Variants in FAM171A1 observed in about 807,000 individuals in gnomAD.
FAM171A1 encodes family with sequence similarity 171 member A1, also known as protein FAM171A1.
Under a neutral mutation model 74.9 loss-of-function variants are expected in FAM171A1, and 23 were observed. That is an observed-to-expected ratio of 0.31 (90% CI 0.22 to 0.44). FAM171A1 has a LOEUF of 0.44. FAM171A1 is among the 20% of genes least tolerant of loss of function. The probability of loss-of-function intolerance (pLI) is 1.00; values close to 1 mark genes in which losing one functional copy is unlikely to be tolerated. For synonymous variants in FAM171A1, 527 were observed against 505.7 expected, an observed-to-expected ratio of 1.04 and a Z score of -0.57; for missense variants, 1,162 against 1,159.2, an observed-to-expected ratio of 1.00 and a Z score of -0.03.
intron 1 of FAM171A1, among the ~76,000 whole-genome samples, chr10:15,316,553 A>C (rs1417534645): frequency 2.0e-5 from 3 of 152,172 alleles, no homozygotes; most frequent in Non-Finnish European, 4.4e-5. Context: ...ATGCTGACTT[A>C]GTGATGATAG....
chr10:15,273,037 A>T (rs1420868525), intron 3 of FAM171A1, among the ~76,000 whole-genome samples: 1 of 152,186 alleles, frequency 6.6e-6, no homozygotes, highest in East Asian at 1.9e-4. Context: ...GAAATAACTA[A>T]GATCAGAGCA....
At chr10:15,225,429 A>T (rs930581657) in intron 5 of FAM171A1, among the ~76,000 whole-genome samples, 1 of 152,178 alleles carries the variant, frequency 6.6e-6, no homozygotes, top group Non-Finnish European at 1.5e-5. Flanking sequence ...CTCTTTGGGG[A>T]TTCAACAATC....
chr10:15,370,832 ATGCGGCTCGGGC>A (rs1836134328), intron 1 of FAM171A1, 112 bp downstream of exon 1: 4 of 272,180 alleles, frequency 1.5e-5, no homozygotes, highest in African/African-American at 9.7e-5. Context: ...GAGGCTCCCG[ATGCGGCTCGGGC>A]TGCGTCGCCA....
intron 1 of FAM171A1, among the ~76,000 whole-genome samples, chr10:15,300,839 C>A (rs1564636958): frequency 1.3e-5 from 2 of 152,242 alleles, no homozygotes; most frequent in South Asian, 4.1e-4. Context: ...CAGCTGTGCA[C>A]AGTGAGAGCT....
At chr10:15,226,623 C>A (rs1834111026) in intron 5 of FAM171A1, among the ~76,000 whole-genome samples, 1 of 152,152 alleles carries the variant, frequency 6.6e-6, no homozygotes, top group Non-Finnish European at 1.5e-5. Context: ...TTCTAAAAAG[C>A]ATCATTTCCT....
At chr10:15,237,624 A>T (rs1343020700) in intron 5 of FAM171A1, 2 of 152,244 alleles carry the variant, frequency 1.3e-5, no homozygotes, top group Non-Finnish European at 2.9e-5. Context: ...TGGCATCTCC[A>T]TGAAAAGTCA....
intron 6 of FAM171A1, among the ~76,000 whole-genome samples, chr10:15,216,895 C>T (rs192179069): frequency 6.6e-5 from 10 of 151,226 alleles, no homozygotes; most frequent in South Asian, 2.1e-4. Context: ...CAATCATTAC[C>T]GTCTGGAGAG....
At chr10:15,299,944 A>G (rs940284704) in intron 1 of FAM171A1, among the ~76,000 whole-genome samples, 16 of 147,134 alleles carry the variant, frequency 1.1e-4, no homozygotes, top group African/African-American at 4.0e-4. Flanking sequence ...CCTGGGCAAC[A>G]GAGTGAGACT....
intron 5 of FAM171A1, among the ~76,000 whole-genome samples, chr10:15,222,971 C>T (rs1034502724): frequency 2.0e-5 from 3 of 152,192 alleles, no homozygotes; most frequent in Admixed American, 6.5e-5. Context: ...TTTCCTGAAG[C>T]GCACCCTCCT....
At chr10:15,341,266 C>T (rs1431274738) in intron 1 of FAM171A1, among the ~76,000 whole-genome samples, 3 of 152,172 alleles carry the variant, frequency 2.0e-5, no homozygotes, top group Non-Finnish European at 2.9e-5. Context: ...AACACCTCTG[C>T]TTAGCTTACA....
At chr10:15,217,639 A>AT (rs112034740) in intron 6 of FAM171A1, among the ~76,000 whole-genome samples, 8,421 of 145,108 alleles carry the variant, frequency 0.058, 656 homozygotes, top group East Asian at 0.24. Flanking sequence ...CAGAGAAACA[A>AT]TTTTTTTTTT....
intron 1 of FAM171A1, among the ~76,000 whole-genome samples, chr10:15,363,064 C>A (rs370450416): frequency 1.5e-4 from 23 of 152,254 alleles, no homozygotes; most frequent in African/African-American, 5.1e-4. Context: ...GAGCAGAAAA[C>A]AGGTCAGCTA....
chr10:15,329,754 G>A (rs1009124542), intron 1 of FAM171A1, among the ~76,000 whole-genome samples: 15 of 152,140 alleles, frequency 9.9e-5, no homozygotes, highest in Non-Finnish European at 1.9e-4. Flanking sequence ...AGATCACAAG[G>A]GGAGTCTGCC....
chr10:15,291,560 G>A (rs1396675348), intron 1 of FAM171A1, among the ~76,000 whole-genome samples: 3 of 152,102 alleles, frequency 2.0e-5, no homozygotes, highest in Non-Finnish European at 4.4e-5. Context: ...AGAAATCCAT[G>A]GTATCCAAAT....
intron 1 of FAM171A1, among the ~76,000 whole-genome samples, chr10:15,294,053 C>T (rs1318326150): frequency 2.0e-5 from 3 of 152,114 alleles, no homozygotes; most frequent in Non-Finnish European, 2.9e-5. Context: ...CCAAAGGGAC[C>T]GCAGAGGAGG....
intron 1 of FAM171A1, among the ~76,000 whole-genome samples, chr10:15,312,832 G>C (rs888451641): frequency 5.3e-5 from 8 of 150,896 alleles, no homozygotes; most frequent in Admixed American, 2.0e-4. Context: ...TGAGTAGCTG[G>C]GATTACAGGC....
chr10:15,235,082 GGCCGATT>G, intron 5 of FAM171A1, among the ~76,000 whole-genome samples: 1 of 152,024 alleles, frequency 6.6e-6, no homozygotes, highest in Non-Finnish European at 1.5e-5. Flanking sequence ...GGTCCAGGAG[GGCCGATT>G]ACCTGAGGAC....
chr10:15,300,199 GTTTTC>G (rs1295321085), intron 1 of FAM171A1, among the ~76,000 whole-genome samples: 2 of 152,138 alleles, frequency 1.3e-5, no homozygotes, highest in South Asian at 2.1e-4. Context: ...TATTATTAAA[GTTTTC>G]TTTTCTGTTT....
At chr10:15,247,808 C>T (rs1834454612) in intron 5 of FAM171A1, among the ~76,000 whole-genome samples, 1 of 152,140 alleles carries the variant, frequency 6.6e-6, no homozygotes, top group Non-Finnish European at 1.5e-5. Flanking sequence ...GGATCATTTG[C>T]TCAGGGGAAA....
Sources: gnomAD v4.1 joint callset for allele counts (sites outside exome capture counted in the v4.1 genomes callset) on GRCh38, gnomAD v4.1.1 for gene constraint, MANE v1.5 for transcripts, NCBI Gene and HGNC (gene_info 2026-07-23, HGNC 2026-07-21) for gene names.